The following NAV2 variants were observed in gnomAD, a reference collection of about 807,000 sequenced individuals.
The protein encoded by NAV2 is helicase, APC down-regulated 1.
NAV2 carries 54 observed loss-of-function variants against 223.2 expected under a neutral mutation model. The ratio of observed to expected loss-of-function variants is 0.24; its 90% confidence interval spans 0.19 to 0.30. The LOEUF is 0.30. NAV2 is among the 10% of genes least tolerant of loss of function. NAV2 has a pLI of 1.00. For synonymous variants in NAV2, 1,279 were observed against 1,239.3 expected, an observed-to-expected ratio of 1.03 and a Z score of -0.67; for missense variants, 2,806 against 3,147.5, an observed-to-expected ratio of 0.89 and a Z score of 2.60.
At chr11:19,882,044 C>T (rs1049328537) in intron 5 of NAV2, among the ~76,000 whole-genome samples, 1 of 152,138 alleles carries the variant, frequency 6.6e-6, no homozygotes, top group Admixed American at 6.5e-5. Context: ...ACCAGTTAAA[C>T]TGGATAGGGT....
chr11:19,939,591 A>G, intron 7 of NAV2, 70 bp from the exon 8 acceptor site: 1 of 1,185,294 alleles, frequency 8.4e-7, no homozygotes, highest in Non-Finnish European at 1.3e-6. Context: ...GGCTGTGGTT[A>G]GACCACAGTG....
At chr11:19,920,007 T>C (rs2044145526) in intron 6 of NAV2, among the ~76,000 whole-genome samples, 1 of 152,112 alleles carries the variant, frequency 6.6e-6, no homozygotes, top group South Asian at 2.1e-4. Context: ...TGGTAGCATG[T>C]ACCTGTGGTC....
At chr11:19,695,875 G>A (rs2049317591) in intron 1 of NAV2, among the ~76,000 whole-genome samples, 1 of 16,906 alleles carries the variant, frequency 5.9e-5, no homozygotes, top group Admixed American at 8.8e-4. Context: ...GTGTACTCCA[G>A]CCTGGATGAA....
chr11:19,796,828 G>C (rs1180757526), intron 1 of NAV2, among the ~76,000 whole-genome samples: 5 of 152,168 alleles, frequency 3.3e-5, no homozygotes, highest in Non-Finnish European at 5.9e-5. Context: ...GCTGGTACTT[G>C]CTGCTTGTTA....
chr11:19,783,395 G>A (rs1000819069), intron 1 of NAV2, among the ~76,000 whole-genome samples: 1 of 152,144 alleles, frequency 6.6e-6, no homozygotes, highest in Admixed American at 6.5e-5. Context: ...GGTTGGCCTG[G>A]TGATATTCCA....
chr11:19,510,483 T>C (rs571394982), intron 1 of NAV2, among the ~76,000 whole-genome samples: 1 of 152,340 alleles, frequency 6.6e-6, no homozygotes, highest in East Asian at 1.9e-4. Flanking sequence ...AGCCAGGCTC[T>C]GTGCTGAGCC....
chr11:19,673,977 C>G (rs986957871), intron 1 of NAV2, among the ~76,000 whole-genome samples: 1 of 152,212 alleles, frequency 6.6e-6, no homozygotes, highest in Non-Finnish European at 1.5e-5. Context: ...GGCGCCTCCT[C>G]CAAGCTGAGC....
chr11:19,408,772 C>G (rs750836397), intron 1 of NAV2, among the ~76,000 whole-genome samples: 1 of 152,194 alleles, frequency 6.6e-6, no homozygotes, highest in South Asian at 2.1e-4. Flanking sequence ...AGCCAGAATT[C>G]GAGCCTGGGC....
intron 1 of NAV2, among the ~76,000 whole-genome samples, chr11:19,459,037 G>A (rs1302859637): frequency 6.6e-6 from 1 of 152,258 alleles, no homozygotes. Flanking sequence ...GCGTGGGAAG[G>A]CGGGCTGGGG....
intron 10 of NAV2, among the ~76,000 whole-genome samples, chr11:19,969,945 C>CAA (rs775674042): frequency 9.1e-4 from 99 of 109,238 alleles, no homozygotes; most frequent in African/African-American, 2.8e-3. Context: ...GACTCTGTCT[C>CAA]AAAAAAAAAA....
At chr11:19,624,717 C>T (rs2135442562) in intron 1 of NAV2, among the ~76,000 whole-genome samples, 1 of 152,292 alleles carries the variant, frequency 6.6e-6, no homozygotes, top group African/African-American at 2.4e-5. Context: ...TGAGGCGATT[C>T]CTCGCCCTGC....
At chr11:19,563,664 A>ATATGTAT (rs1370826202) in intron 1 of NAV2, among the ~76,000 whole-genome samples, 3 of 152,152 alleles carry the variant, frequency 2.0e-5, no homozygotes, top group Non-Finnish European at 4.4e-5. Context: ...GGGCATTTTA[A>ATATGTAT]TATGTATCCC....
rs1340080428 is a variant in NAV2, at chr11:20,106,181, GTGTATATATATATATATATATATA to G, written c.6841+456_6841+479del. On this transcript the variant is annotated intron_variant, in intron 35 of 37. Transcript: ENST00000349880. ...TATATATATATATATATATATGTGT[GTGTATATATATATATATATATATA>G]TATATATATATATATATATATATAT... Among the ~76,000 whole-genome samples, 10 of 14,898 alleles carry G rather than the reference GTGTATATATATATATATATATATA, an allele frequency of 6.7e-4. 1 individual carries two copies. The highest frequency in any genetic ancestry group is 1.2e-3 in the African/African-American group (8 of 6,722). The allele number at this position is 14,898 out of a possible 152,430, so 9.8% of individuals were successfully genotyped here. A position where few individuals can be genotyped will look rare whatever the true frequency, so the allele number is the denominator to read the frequency against.
chr11:19,415,329 A>G (rs1324499084), intron 1 of NAV2, among the ~76,000 whole-genome samples: 2 of 152,240 alleles, frequency 1.3e-5, no homozygotes, highest in Non-Finnish European at 2.9e-5. Flanking sequence ...CTACGCAAAT[A>G]AACTGGAAAA....
intron 11 of NAV2, among the ~76,000 whole-genome samples, chr11:19,987,409 A>G (rs1049897232): frequency 6.6e-6 from 1 of 152,216 alleles, no homozygotes; most frequent in Non-Finnish European, 1.5e-5. Flanking sequence ...AGTTCTACAA[A>G]GGAAAGAGGA....
chr11:19,585,728 A>T (rs1042562289), intron 1 of NAV2, among the ~76,000 whole-genome samples: 1 of 152,212 alleles, frequency 6.6e-6, no homozygotes, highest in African/African-American at 2.4e-5. Context: ...TCTTGCTTGT[A>T]GAGTTTCTAC....
At position 19,948,702 on chromosome 11, in the gene NAV2, C is replaced by T. The variant is rs2047139317; in HGVS notation, c.2267C>T (p.Thr756Ile). 6.3e-7 allele frequency: 1 copy of T among 1,580,254 alleles called. No individual in the cohort carries two copies. Among genetic ancestry groups the T allele is most frequent in the Non-Finnish European group, 8.6e-7 (1 of 1,157,786 alleles). The change falls in exon 10 of 38, where the codon ACC (threonine) becomes ATC (isoleucine). Residue 756 changes from threonine to isoleucine, a missense_variant. Coordinates refer to ENST00000349880, the MANE Select transcript of NAV2 (RefSeq NM_145117.5). ...GGTTTTGTTTCTAGCACATTGGAAA[C>T]CACGTTTGACACCAATGTCACCACG... ...GTQVTHSTLE[T>I]TFDTNVTTEM...
chr11:19,682,060 C>A (rs907130430), intron 1 of NAV2, among the ~76,000 whole-genome samples: 1 of 152,086 alleles, frequency 6.6e-6, no homozygotes, highest in African/African-American at 2.4e-5. Context: ...CAGGGCTGCC[C>A]ACTACCACCA....
intron 1 of NAV2, among the ~76,000 whole-genome samples, chr11:19,579,239 G>A (rs1165987721): frequency 6.6e-6 from 1 of 152,150 alleles, no homozygotes; most frequent in Non-Finnish European, 1.5e-5. Context: ...ATTGTCAAAT[G>A]GATATAATAA....
Sources: allele counts gnomAD v4.1 joint callset (sites outside exome capture counted in the v4.1 genomes callset), GRCh38; gene constraint gnomAD v4.1.1; transcripts MANE v1.5; gene names NCBI Gene and HGNC (gene_info 2026-07-23, HGNC 2026-07-21).